Variants in FAM227B observed in about 807,000 individuals in gnomAD.
FAM227B encodes protein FAM227B.
In FAM227B, 88 loss-of-function variants were observed where a neutral mutation model predicts 73.8. The ratio of observed to expected loss-of-function variants is 1.19; its 90% confidence interval spans 1.00 to 1.42. The LOEUF is 1.42. FAM227B is among the 40% of genes most tolerant of loss of function. The probability of loss-of-function intolerance (pLI) is 0.00; values close to 1 mark genes in which losing one functional copy is unlikely to be tolerated. For missense variants in FAM227B, 632 were observed against 590.9 expected (o/e 1.07, Z -0.72); for synonymous variants, 210 against 190.5 (o/e 1.10, Z -0.84).
intron 11 of FAM227B, among the ~76,000 whole-genome samples, chr15:49,453,653 T>C (rs1312638080): frequency 1.3e-5 from 2 of 152,182 alleles, no homozygotes; most frequent in African/African-American, 4.8e-5. Context: ...GAGGTAATTG[T>C]ATCTAGACTC....
At chr15:49,561,529 T>C (rs2074256691) in intron 9 of FAM227B, among the ~76,000 whole-genome samples, 1 of 152,126 alleles carries the variant, frequency 6.6e-6, no homozygotes, top group Admixed American at 6.6e-5. Flanking sequence ...AACAAATATC[T>C]ACAGAGCACT....
intron 13 of FAM227B, among the ~76,000 whole-genome samples, chr15:49,349,612 G>A (rs949186261): frequency 2.6e-5 from 4 of 152,036 alleles, no homozygotes; most frequent in Non-Finnish European, 4.4e-5. Flanking sequence ...GGTTATTTTA[G>A]GTATTTGATA....
At chr15:49,611,309 A>C in intron 2 of FAM227B, 41 bp from the exon 3 acceptor site, 21 of 1,044,264 alleles carry the variant, frequency 2.0e-5, no homozygotes, top group Non-Finnish European at 2.5e-5. Flanking sequence ...GCATAAACTC[A>C]CTAGACTGTT....
Position 49,328,070 on chromosome 15 carries a change from C to T in FAM227B, c.*498G>A, listed in dbSNP as rs1408874087. 1 of 1,613,998 alleles carries T rather than the reference C, an allele frequency of 6.2e-7. No homozygotes were observed. The highest frequency in any genetic ancestry group is 1.7e-5 in the Admixed American group (1 of 59,994). Reference sequence around the variant, plus strand: ...AGCAAATGTGCACAAAGCTTATTACCAGAGGAGTGATGGAAGCTTAGCACC... The same window carrying T: ...AGCAAATGTGCACAAAGCTTATTACTAGAGGAGTGATGGAAGCTTAGCACC... On this transcript the variant is annotated 3_prime_UTR_variant, in exon 16 of 16. Transcript: ENST00000299338.
intron 11 of FAM227B, among the ~76,000 whole-genome samples, chr15:49,437,503 G>C (rs185818206): frequency 3.3e-5 from 5 of 151,696 alleles, no homozygotes; most frequent in Admixed American, 1.3e-4. Flanking sequence ...AGTATATCTG[G>C]AATTCTATTT....
intron 11 of FAM227B, among the ~76,000 whole-genome samples, chr15:49,501,499 CAACAGGGTAT>C (rs2058131154): frequency 6.6e-6 from 1 of 152,180 alleles, no homozygotes; most frequent in Non-Finnish European, 1.5e-5. Context: ...AATTTCTAGG[CAACAGGGTAT>C]TCAAGATGTA....
In FAM227B at chr15:49,327,906, G is replaced by C; in HGVS notation, c.*662C>G. 6.4e-7 allele frequency: 1 copy of C among 1,563,934 alleles called. No homozygotes were observed. The highest frequency in any genetic ancestry group is 8.7e-7 in the Non-Finnish European group (1 of 1,148,032). ...TCTACAAACACCAAGCAAATCCCTT[G>C]TATTTTCATTTATAGGTTCTAATAT... On this transcript the variant is annotated 3_prime_UTR_variant, in exon 16 of 16. Coordinates refer to ENST00000299338, the MANE Select transcript of FAM227B (RefSeq NM_152647.3).
chr15:49,335,375 A>G (rs750605932), intron 14 of FAM227B, 44 bp downstream of exon 14: 1 of 1,310,128 alleles, frequency 7.6e-7, no homozygotes, highest in Non-Finnish European at 1.1e-6. Context: ...CCAGTTCTAA[A>G]AAAGTATTAT....
chr15:49,459,165 G>A (rs566572688), intron 11 of FAM227B, among the ~76,000 whole-genome samples: 3 of 151,736 alleles, frequency 2.0e-5, no homozygotes, highest in Non-Finnish European at 4.4e-5. Context: ...AAGAGTGTGC[G>A]TGTATGTTTC....
At chr15:49,426,542 C>A (rs1484076043) in intron 11 of FAM227B, among the ~76,000 whole-genome samples, 1 of 151,748 alleles carries the variant, frequency 6.6e-6, no homozygotes, top group African/African-American at 2.4e-5. Flanking sequence ...AATACATTTG[C>A]ATATGTAAAT....
intron 10 of FAM227B, among the ~76,000 whole-genome samples, chr15:49,515,192 G>T (rs4396481): frequency 0.89 from 134,797 of 152,084 alleles, 61,103 homozygotes; most frequent in Non-Finnish European, 0.98. Flanking sequence ...GTGTTTCAGT[G>T]TGGGTAATTT....
At chr15:49,559,593 C>T (rs1274347461) in intron 9 of FAM227B, among the ~76,000 whole-genome samples, 1 of 151,980 alleles carries the variant, frequency 6.6e-6, no homozygotes, top group Non-Finnish European at 1.5e-5. Context: ...GAGGCAATGC[C>T]AAAAGACCCA....
chr15:49,592,988 G>A (rs886304830), intron 3 of FAM227B, among the ~76,000 whole-genome samples: 6 of 152,236 alleles, frequency 3.9e-5, no homozygotes, highest in African/African-American at 1.4e-4. Flanking sequence ...GGGACCCACT[G>A]AGCCAGGCAC....
Position 49,367,590 on chromosome 15 carries a change from C to T in FAM227B, c.1129G>A (p.Gly377Ser). Residue 377 changes from glycine (G) to serine (S), a missense_variant, in exon 13 of 16, where the codon GGT becomes AGT. Physicochemically the swap from Gly to Ser is moderately conservative, Grantham distance 56 (BLOSUM62 0). Transcript: ENST00000299338. Reference sequence around the variant, plus strand: ...AAGAGAACACGATTAAACTCTGGACCAGTACTACTATAGTGCGACTGTAAG... The same window carrying T: ...AAGAGAACACGATTAAACTCTGGACTAGTACTACTATAGTGCGACTGTAAG... ...LATKSHYSST[G>S]PEFNRVLFNF... 1.9e-6 allele frequency: 3 copies of T among 1,596,062 alleles called. No individual in the cohort carries two copies. In the South Asian group the frequency reaches 3.5e-5, roughly 18 times the overall value.
chr15:49,407,021 C>G (rs2048560924), intron 11 of FAM227B, among the ~76,000 whole-genome samples: 1 of 152,068 alleles, frequency 6.6e-6, no homozygotes, highest in South Asian at 2.1e-4. Flanking sequence ...TTGGACTGGC[C>G]CCGTCTGATG....
At chr15:49,402,797 C>A (rs2048261937) in intron 11 of FAM227B, among the ~76,000 whole-genome samples, 1 of 152,148 alleles carries the variant, frequency 6.6e-6, no homozygotes, top group African/African-American at 2.4e-5. Context: ...ATTGCCCTGG[C>A]CAGAGCTTCC....
At chr15:49,413,495 C>T (rs2049009541) in intron 11 of FAM227B, among the ~76,000 whole-genome samples, 1 of 152,024 alleles carries the variant, frequency 6.6e-6, no homozygotes, top group East Asian at 1.9e-4. Flanking sequence ...TAATAACAGT[C>T]TCCAACATAC....
At chr15:49,409,281 C>T (rs1157761282) in intron 11 of FAM227B, among the ~76,000 whole-genome samples, 1 of 152,076 alleles carries the variant, frequency 6.6e-6, no homozygotes, top group East Asian at 1.9e-4. Flanking sequence ...ATGCTAGGGA[C>T]ACCCTCCCCA....
chr15:49,602,804 TTTTGA>T (rs2077288244), intron 3 of FAM227B, among the ~76,000 whole-genome samples: 1 of 152,212 alleles, frequency 6.6e-6, no homozygotes, highest in African/African-American at 2.4e-5. Flanking sequence ...CTTTAATCCC[TTTTGA>T]TTTGATTTTT....
Sources: allele counts gnomAD v4.1 joint callset (sites outside exome capture counted in the v4.1 genomes callset), GRCh38; gene constraint gnomAD v4.1.1; transcripts MANE v1.5; gene names NCBI Gene and HGNC (gene_info 2026-07-23, HGNC 2026-07-21).